TMEM51: variants seen among roughly 807,000 people sequenced by gnomAD.
The protein encoded by TMEM51 is transmembrane protein 51, also known as chromosome 1 open reading frame 72.
Under a neutral mutation model 13.6 loss-of-function variants are expected in TMEM51, and 8 were observed. The ratio of observed to expected loss-of-function variants is 0.59; its 90% CI spans 0.35 to 1.07. The LOEUF (loss-of-function observed/expected upper bound fraction) is 1.07, where lower values mean the gene tolerates loss of function less well. Ranked by LOEUF, TMEM51 falls within the 50% of genes least tolerant of loss-of-function variation. The probability of loss-of-function intolerance (pLI) is 0.02; values close to 1 mark genes in which losing one functional copy is unlikely to be tolerated. For missense variants in TMEM51, 279 were observed against 330.7 expected (o/e 0.84, Z 1.21); for synonymous variants, 147 against 144.4 (o/e 1.02, Z -0.13).
intron 1 of TMEM51, among the ~76,000 whole-genome samples, chr1:15,172,477 AAAAG>A (rs1459654121): frequency 1.4e-4 from 21 of 151,820 alleles, no homozygotes; most frequent in African/African-American, 4.1e-4. Flanking sequence ...GAAAGAAGAA[AAAAG>A]AAAGAGAAGA....
At chr1:15,183,220 G>T (rs1217154808) in intron 1 of TMEM51, among the ~76,000 whole-genome samples, 6 of 152,164 alleles carry the variant, frequency 3.9e-5, no homozygotes, top group African/African-American at 1.4e-4. Context: ...GCACACAAGG[G>T]ATAAATATCC....
chr1:15,211,832 C>T (rs1038752857), intron 2 of TMEM51, among the ~76,000 whole-genome samples: 2 of 125,434 alleles, frequency 1.6e-5, no homozygotes, highest in Non-Finnish European at 3.6e-5. Context: ...CCCCCCCCCC[C>T]CCCCCGGGAT....
intron 1 of TMEM51, among the ~76,000 whole-genome samples, chr1:15,184,395 G>C (rs1348859955): frequency 6.6e-6 from 1 of 152,224 alleles, no homozygotes; most frequent in African/African-American, 2.4e-5. Flanking sequence ...GGGACTAGCA[G>C]AGGACAGGGG....
upstream of TMEM51, among the ~76,000 whole-genome samples, chr1:15,153,512 G>T (rs1340373232): frequency 2.0e-5 from 2 of 99,204 alleles, no homozygotes; most frequent in African/African-American, 7.5e-5. Flanking sequence ...GGCAAGGGTT[G>T]GGGAGAACTT....
Position 15,214,953 on chromosome 1 carries a change from A to T in TMEM51, c.-135A>T. On this transcript the variant is annotated 5_prime_UTR_variant, in exon 3 of 4. Coordinates refer to ENST00000376008, the MANE Select transcript of TMEM51 (RefSeq NM_001136218.2). ...TCGCGATTGCTCGGAACCATCCCGCAGGAGTTCAGCTGATATTTTCTAGTG... is the reference window on the plus strand; with the variant it reads ...TCGCGATTGCTCGGAACCATCCCGCTGGAGTTCAGCTGATATTTTCTAGTG... 1.2e-6 allele frequency: 1 copy of T among 855,056 alleles called. No homozygotes were observed. The highest frequency in any genetic ancestry group is 1.8e-6 in the Non-Finnish European group (1 of 567,024). 53.0% of individuals were successfully genotyped at this position (855,056 alleles called of 1,614,324 possible).
chr1:15,219,856 G>T lies in TMEM51; in HGVS notation c.*113G>T. ...AGCGGAGGGGCCAGCTGTGCATGGA[G>T]CCATTTGGATGGCGGCGGGCGGGGG... On this transcript the variant is annotated 3_prime_UTR_variant, in exon 4 of 4. Transcript: ENST00000376008. 7.7e-7 allele frequency: 1 copy of T among 1,290,332 alleles called. No homozygotes were observed. Among genetic ancestry groups the T allele is most frequent in the African/African-American group, 1.5e-5 (1 of 67,554 alleles). 79.9% of individuals were successfully genotyped at this position (1,290,332 alleles called of 1,614,324 possible). A position where few individuals can be genotyped will look rare whatever the true frequency, so the allele number is the denominator to read the frequency against.
At chr1:15,180,990 C>A (rs1643597699) in intron 1 of TMEM51, among the ~76,000 whole-genome samples, 1 of 152,158 alleles carries the variant, frequency 6.6e-6, no homozygotes, top group African/African-American at 2.4e-5. Flanking sequence ...ATGCAGAAGA[C>A]CCCCTGCAGA....
At chr1:15,174,156 G>T (rs999637282) in intron 1 of TMEM51, among the ~76,000 whole-genome samples, 4 of 152,242 alleles carry the variant, frequency 2.6e-5, no homozygotes, top group Admixed American at 1.3e-4. Context: ...CAAAGGCTGA[G>T]ACAGGTGAGC....
At position 15,179,832 on chromosome 1, in the gene TMEM51, C is replaced by T. The variant is rs79792117; in HGVS notation, c.-267+25878C>T. On this transcript the variant is annotated intron_variant, in intron 1 of 3. Transcript: ENST00000376008. The stretch of plus-strand genomic sequence containing the variant: ...ACCTTCTAATATAAGCAAAACTAAC[C>T]GCTGTTAAAATAAGGCAGAAAGGTA... Among the ~76,000 whole-genome samples, 107 of 152,194 alleles carry T rather than the reference C, an allele frequency of 7.0e-4. 1 individual carries two copies. The highest frequency in any genetic ancestry group is 1.3e-3 in the Non-Finnish European group (91 of 67,998).
chr1:15,196,719 A>G (rs894680582), intron 1 of TMEM51, among the ~76,000 whole-genome samples: 1 of 152,196 alleles, frequency 6.6e-6, no homozygotes, highest in African/African-American at 2.4e-5. Context: ...TTTACATGTC[A>G]TTTCAAAAAA....
chr1:15,204,800 T>G (rs953332654), intron 1 of TMEM51, among the ~76,000 whole-genome samples: 3 of 151,448 alleles, frequency 2.0e-5, no homozygotes, highest in Non-Finnish European at 4.4e-5. Flanking sequence ...GTGCCTGGGG[T>G]GTCAGTGCCC....
intron 1 of TMEM51, among the ~76,000 whole-genome samples, chr1:15,187,729 AG>A (rs1482394081): frequency 6.6e-6 from 1 of 152,168 alleles, no homozygotes; most frequent in African/African-American, 2.4e-5. Context: ...GCAGTGGCCT[AG>A]GAGACATTTT....
At chr1:15,189,049 TA>T (rs1282180824) in intron 1 of TMEM51, among the ~76,000 whole-genome samples, 1 of 152,010 alleles carries the variant, frequency 6.6e-6, no homozygotes, top group Non-Finnish European at 1.5e-5. Context: ...GGTCATTATA[TA>T]TTTTTTTGGA....
In TMEM51 at chr1:15,207,316, G is replaced by A. The variant is rs1366420217; in HGVS notation, c.-266-3174G>A. On this transcript the variant is annotated intron_variant, in intron 1 of 3. Transcript: ENST00000376008. This position sits in a 1 kb window ranked among gnomAD's most constrained non-coding sequence, Gnocchi z 4.6. ...CGGGGCCACAGCACAGAACTCAGTG[G>A]TCACGTGAGGGTCTACATCCGATTC... 6.6e-6 allele frequency among the ~76,000 whole-genome samples: 1 copy of A among 152,220 alleles called. No homozygotes were observed. Among genetic ancestry groups the A allele is most frequent in the Non-Finnish European group, 1.5e-5 (1 of 68,034 alleles).
In TMEM51 at chr1:15,207,482, C is replaced by T. The variant is rs927870608; in HGVS notation, c.-266-3008C>T. 6.6e-6 allele frequency among the ~76,000 whole-genome samples: 1 copy of T among 152,198 alleles called. No homozygotes were observed. Among genetic ancestry groups the T allele is most frequent in the African/African-American group, 2.4e-5 (1 of 41,440 alleles). Reference sequence around the variant, plus strand: ...TTCCATCGTCCCATCTTATTTCAGTCGTTGTCTTCACGTTCAAGTTCATGG... The same window carrying T: ...TTCCATCGTCCCATCTTATTTCAGTTGTTGTCTTCACGTTCAAGTTCATGG... On this transcript the variant is annotated intron_variant, in intron 1 of 3. Coordinates refer to ENST00000376008, the MANE Select transcript of TMEM51 (RefSeq NM_001136218.2). This position sits in a 1 kb window ranked among gnomAD's most constrained non-coding sequence, Gnocchi z 4.6.
chr1:15,181,059 C>T (rs1643599958), intron 1 of TMEM51, among the ~76,000 whole-genome samples: 3 of 152,296 alleles, frequency 2.0e-5, no homozygotes, highest in Admixed American at 2.0e-4. Context: ...AGGCTGTGTG[C>T]ACTGGTTCCA....
intron 1 of TMEM51, among the ~76,000 whole-genome samples, chr1:15,154,394 G>A (rs1642514580): frequency 6.6e-6 from 1 of 152,228 alleles, no homozygotes; most frequent in South Asian, 2.1e-4. Context: ...GGGCCTTTTA[G>A]GGATTTAGAT....
intron 1 of TMEM51, among the ~76,000 whole-genome samples, chr1:15,162,814 C>T (rs1254400486): frequency 6.6e-6 from 1 of 151,918 alleles, no homozygotes; most frequent in East Asian, 1.9e-4. Context: ...ATCTAGACAT[C>T]ATAGAAATGG....
chr1:15,182,147 G>A (rs1643636044), intron 1 of TMEM51, among the ~76,000 whole-genome samples: 1 of 149,386 alleles, frequency 6.7e-6, no homozygotes, highest in Non-Finnish European at 1.5e-5. Flanking sequence ...GGCAACAAAA[G>A]CAAAACTCCA....
Sources: allele counts gnomAD v4.1 joint callset (sites outside exome capture counted in the v4.1 genomes callset), GRCh38; gene constraint gnomAD v4.1.1; non-coding constraint Gnocchi (gnomAD v3.1); transcripts MANE v1.5; gene names NCBI Gene and HGNC (gene_info 2026-07-23, HGNC 2026-07-21).